The following RSU1 variants were observed in gnomAD, a reference collection of about 807,000 sequenced individuals.
RSU1 encodes Ras suppressor protein 1.
Under a neutral mutation model 31.1 loss-of-function variants are expected in RSU1, and 26 were observed. The observed-to-expected ratio is 0.84, with a 90% confidence interval of 0.61 to 1.16. RSU1 has a LOEUF of 1.16. RSU1 is among the 50% of genes most tolerant of loss of function. The pLI is 0.00. For missense variants in RSU1, 320 were observed against 339.1 expected, an observed-to-expected ratio of 0.94 and a Z score of 0.44; for synonymous variants, 164 against 136.3, an observed-to-expected ratio of 1.20 and a Z score of -1.41.
chr10:16,734,042 C>CCA (rs921857027), intron 7 of RSU1, among the ~76,000 whole-genome samples: 4 of 152,232 alleles, frequency 2.6e-5, no homozygotes, highest in African/African-American at 7.2e-5. Context: ...CAGCCCTCTT[C>CCA]CAACACGACT....
At chr10:16,645,435 C>G (rs1205370844) in intron 8 of RSU1, among the ~76,000 whole-genome samples, 1 of 150,156 alleles carries the variant, frequency 6.7e-6, no homozygotes, top group Admixed American at 6.6e-5. Flanking sequence ...GGAAAATAAA[C>G]TTTTCCAAAA....
At chr10:16,612,731 G>A (rs144513724) in intron 8 of RSU1, among the ~76,000 whole-genome samples, 2 of 152,232 alleles carry the variant, frequency 1.3e-5, no homozygotes, top group African/African-American at 4.8e-5. Flanking sequence ...GAGTACTTGG[G>A]GAATTCATCC....
chr10:16,696,303 A>T (rs1835675889), intron 7 of RSU1, among the ~76,000 whole-genome samples: 1 of 152,234 alleles, frequency 6.6e-6, no homozygotes, highest in Non-Finnish European at 1.5e-5. Flanking sequence ...CAGGACAATG[A>T]AAACATATCC....
intron 7 of RSU1, among the ~76,000 whole-genome samples, chr10:16,735,511 T>C (rs182368119): frequency 8.5e-5 from 13 of 152,340 alleles, no homozygotes; most frequent in Admixed American, 2.6e-4. Context: ...AAATGTATAA[T>C]AGAAATGCTT....
At chr10:16,610,102 CT>C (rs1339116857) in intron 8 of RSU1, among the ~76,000 whole-genome samples, 3 of 152,124 alleles carry the variant, frequency 2.0e-5, no homozygotes, top group African/African-American at 7.2e-5. Flanking sequence ...TCTATGTTAT[CT>C]GTAATTTGAT....
At chr10:16,687,768 G>A (rs1465490709) in intron 8 of RSU1, among the ~76,000 whole-genome samples, 2 of 152,080 alleles carry the variant, frequency 1.3e-5, no homozygotes, top group African/African-American at 2.4e-5. Context: ...CACTGAAGCT[G>A]GAGTTCAGTG....
chr10:16,615,538 T>C (rs967104262), intron 8 of RSU1, among the ~76,000 whole-genome samples: 2 of 152,178 alleles, frequency 1.3e-5, no homozygotes, highest in Non-Finnish European at 2.9e-5. Context: ...GTGCACCTAA[T>C]AGACATCTAC....
intron 7 of RSU1, among the ~76,000 whole-genome samples, chr10:16,715,305 T>C (rs1836118701): frequency 6.6e-6 from 1 of 152,232 alleles, no homozygotes; most frequent in Admixed American, 6.5e-5. Flanking sequence ...TCTTAAATTT[T>C]CATGAAGTCC....
chr10:16,623,721 G>A (rs757784889), intron 8 of RSU1, among the ~76,000 whole-genome samples: 1 of 152,114 alleles, frequency 6.6e-6, no homozygotes, highest in Non-Finnish European at 1.5e-5. Flanking sequence ...CATTCTGACT[G>A]GTGTGAGATA....
intron 8 of RSU1, among the ~76,000 whole-genome samples, chr10:16,684,195 G>A (rs971351151): frequency 2.0e-4 from 30 of 152,200 alleles, no homozygotes; most frequent in African/African-American, 7.2e-4. Flanking sequence ...TGGCTGTGCA[G>A]GGCCATTTCA....
In RSU1 at chr10:16,754,867, T is replaced by C; in HGVS notation, c.400+4A>G. On this transcript the variant is annotated splice_donor_region_variant and intron_variant, in intron 5 of 8. Coordinates refer to ENST00000345264, the MANE Select transcript of RSU1 (RefSeq NM_012425.4). ...GGAGATTTATAGAATTGAAAGTTTCTTACTCAGGTAGAAGAAGTTTCCAGG... is the reference window on the plus strand; with the variant it reads ...GGAGATTTATAGAATTGAAAGTTTCCTACTCAGGTAGAAGAAGTTTCCAGG... 6.4e-7 allele frequency: 1 copy of C among 1,564,556 alleles called. No homozygotes were observed.
chr10:16,596,365 C>T (rs1302274192), intron 8 of RSU1, among the ~76,000 whole-genome samples: 1 of 152,178 alleles, frequency 6.6e-6, no homozygotes, highest in Non-Finnish European at 1.5e-5. Flanking sequence ...AAAGTAGATC[C>T]CTCCATTCTA....
rs74228737 is a variant in RSU1, at chr10:16,692,959, A to T, written c.731+2064T>A. ...TTTTAGTGTATTTCATTTTAAGGCC[A>T]TTGTTCTTTTTTCTTTTTTTTGGGA... On this transcript the variant is annotated intron_variant, in intron 8 of 8. Transcript: ENST00000345264. Among the ~76,000 whole-genome samples the T allele has an allele frequency of 2.5e-3, 384 of 152,080 alleles. 9 individuals carry two copies. In the East Asian group the frequency reaches 0.053, roughly 21 times the overall value.
rs79424261 is a variant in RSU1 at position 16,810,308 on chromosome 10, T to C, written c.109+6665A>G. Among the ~76,000 whole-genome samples the C allele has an allele frequency of 9.5e-3, 1,445 of 152,300 alleles. 26 individuals carry two copies. The highest frequency in any genetic ancestry group is 0.033 in the African/African-American group (1,357 of 41,546). On this transcript the variant is annotated intron_variant, in intron 2 of 8. Coordinates refer to ENST00000345264, the MANE Select transcript of RSU1 (RefSeq NM_012425.4). ...AAACGAACTCTGGTTACATAATGCC[T>C]ATCATAAAAAAATACATTCAATAAA...
intron 2 of RSU1, among the ~76,000 whole-genome samples, chr10:16,800,974 G>GAAAAAAAAAAAAAAAAAAAA (rs1838143537): frequency 7.9e-6 from 1 of 126,214 alleles, no homozygotes; most frequent in African/African-American, 3.2e-5. Flanking sequence ...AAAAAAAAAA[G>GAAAAAAAAAAAAAAAAAAAA]AACAAGGGCA....
intron 2 of RSU1, among the ~76,000 whole-genome samples, chr10:16,796,329 G>T (rs1023660371): frequency 4.6e-5 from 7 of 152,132 alleles, no homozygotes; most frequent in Non-Finnish European, 8.8e-5. Context: ...AAACTTAGGT[G>T]TGTTTCTTCT....
At chr10:16,752,690 C>G (rs757203728) in intron 6 of RSU1, 37 bp from the exon 7 acceptor site, 12 of 1,465,906 alleles carry the variant, frequency 8.2e-6, no homozygotes, top group Non-Finnish European at 1.1e-5. Flanking sequence ...CATATTTACA[C>G]ATTAAAAGGT....
chr10:16,671,685 G>A (rs1031510741), intron 8 of RSU1, among the ~76,000 whole-genome samples: 2 of 151,926 alleles, frequency 1.3e-5, no homozygotes, highest in African/African-American at 4.8e-5. Flanking sequence ...GAGGGCAGTG[G>A]CGCGATTTTG....
chr10:16,801,963 C>T (rs1366016588), intron 2 of RSU1, among the ~76,000 whole-genome samples: 4 of 151,800 alleles, frequency 2.6e-5, no homozygotes, highest in Middle Eastern at 3.2e-3. Context: ...AATGGCAAAA[C>T]GGCAATTACC....
Sources: allele counts gnomAD v4.1 joint callset (sites outside exome capture counted in the v4.1 genomes callset), GRCh38; gene constraint gnomAD v4.1.1; transcripts MANE v1.5; gene names NCBI Gene and HGNC (gene_info 2026-07-23, HGNC 2026-07-21).